FAM135B: variants seen among roughly 807,000 people sequenced by gnomAD.
FAM135B encodes the protein protein FAM135B.
In FAM135B, 43 loss-of-function variants were observed where a neutral mutation model predicts 127.7. The ratio of observed to expected loss-of-function variants is 0.34; its 90% CI spans 0.26 to 0.43. FAM135B has a LOEUF of 0.43. FAM135B is among the 20% of genes least tolerant of loss of function. The probability of loss-of-function intolerance (pLI) is 1.00; values close to 1 mark genes in which losing one functional copy is unlikely to be tolerated. For missense variants in FAM135B, 1,558 were observed against 1,725.6 expected (o/e 0.90, Z 1.72); for synonymous variants, 670 against 665.1 (o/e 1.01, Z -0.11).
intron 1 of FAM135B, among the ~76,000 whole-genome samples, chr8:138,494,478 T>G (rs1225810668): frequency 6.6e-6 from 1 of 152,038 alleles, no homozygotes; most frequent in African/African-American, 2.4e-5. Context: ...TGGGAGCACA[T>G]GAGAGAATAT....
chr8:138,463,670 G>A (rs1021135358), intron 1 of FAM135B, among the ~76,000 whole-genome samples: 1 of 152,182 alleles, frequency 6.6e-6, no homozygotes, highest in African/African-American at 2.4e-5. Flanking sequence ...CAATGAGAAA[G>A]AGGAAGTAGC....
intron 1 of FAM135B, among the ~76,000 whole-genome samples, chr8:138,424,093 A>G (rs1369063191): frequency 6.6e-6 from 1 of 152,130 alleles, no homozygotes; most frequent in Non-Finnish European, 1.5e-5. Context: ...TCAAACACAC[A>G]TGCTCTACAA....
At chr8:138,336,478 C>T (rs1282320046) in intron 2 of FAM135B, among the ~76,000 whole-genome samples, 1 of 152,094 alleles carries the variant, frequency 6.6e-6, no homozygotes, top group Non-Finnish European at 1.5e-5. Flanking sequence ...ACTATAAACA[C>T]CTCTACGCAA....
At chr8:138,174,874 C>T (rs1190429431) in intron 11 of FAM135B, among the ~76,000 whole-genome samples, 1 of 152,172 alleles carries the variant, frequency 6.6e-6, no homozygotes, top group Non-Finnish European at 1.5e-5. Context: ...TATCTATGTA[C>T]TTGTAGGCCT....
intron 12 of FAM135B, among the ~76,000 whole-genome samples, chr8:138,160,230 T>C (rs528039537): frequency 6.6e-6 from 1 of 152,204 alleles, no homozygotes; most frequent in East Asian, 1.9e-4. Context: ...ATAATAAAAA[T>C]GCGATCAAAT....
intron 3 of FAM135B, among the ~76,000 whole-genome samples, chr8:138,274,589 G>A (rs573041457): frequency 9.1e-4 from 139 of 152,196 alleles, no homozygotes; most frequent in African/African-American, 3.1e-3. Context: ...TTTATTAGGC[G>A]GGAATTTCCT....
intron 7 of FAM135B, among the ~76,000 whole-genome samples, chr8:138,206,120 A>T (rs368811579): frequency 5.3e-5 from 3 of 56,540 alleles, no homozygotes; most frequent in Non-Finnish European, 1.0e-4. Context: ...CTCCACCTAC[A>T]CACAGGCCAG....
chr8:138,370,537 G>T (rs1374094040), intron 1 of FAM135B, among the ~76,000 whole-genome samples: 2 of 151,848 alleles, frequency 1.3e-5, no homozygotes, highest in Non-Finnish European at 2.9e-5. Flanking sequence ...CTGCAAGCTC[G>T]CCTCCCCAGT....
chr8:138,481,823 T>C (rs1293825499), intron 1 of FAM135B, among the ~76,000 whole-genome samples: 1 of 152,224 alleles, frequency 6.6e-6, no homozygotes, highest in Non-Finnish European at 1.5e-5. Flanking sequence ...AATTGTCCTA[T>C]AAGACCAGCT....
rs1818206886 is a variant in FAM135B, at chr8:138,152,013, G to T, written c.2462C>A (p.Thr821Lys). 1.2e-6 allele frequency: 2 copies of T among 1,614,026 alleles called. No individual in the cohort carries two copies. The highest frequency in any genetic ancestry group is 1.7e-5 in the Admixed American group (1 of 60,016). Residue 821 changes from threonine to lysine, a missense_variant, in exon 13 of 20, where the codon ACA (threonine) becomes AAA (lysine). This residue lies in a region of FAM135B where 923 missense variants were observed against 865.3 expected (regional missense o/e 1.07). Transcript: ENST00000395297. The part of the protein sequence containing the change: ...SCSQLCGDSG[T>K]DAGADHPLVE... ...CAGGGGATGGTCTGCTCCAGCATCT[G>T]TTCCAGAGTCACCACAAAGTTGAGA...
chr8:138,289,213 C>T (rs1380411332), intron 3 of FAM135B, among the ~76,000 whole-genome samples: 1 of 152,156 alleles, frequency 6.6e-6, no homozygotes, highest in Admixed American at 6.5e-5. Context: ...TTGTCCAAGC[C>T]TCTGCCATCA....
chr8:138,143,846 G>A (rs532262047), intron 15 of FAM135B, among the ~76,000 whole-genome samples: 4 of 152,306 alleles, frequency 2.6e-5, no homozygotes, highest in South Asian at 4.1e-4. Flanking sequence ...AAGTGAATAG[G>A]ATGTCTCACA....
rs79457361 is a variant in FAM135B, at chr8:138,273,923, C to T, written c.158-8081G>A. Among the ~76,000 whole-genome samples the T allele has an allele frequency of 9.1e-3, 1,386 of 152,272 alleles. 17 individuals carry two copies. The highest frequency in any genetic ancestry group is 0.032 in the African/African-American group (1,332 of 41,550). On this transcript the variant is annotated intron_variant, in intron 3 of 19. Coordinates refer to ENST00000395297, the MANE Select transcript of FAM135B (RefSeq NM_015912.4). ...CTTTCAAGGCTCTCTACGCCACCTA[C>T]AAGCTGAGCACTCTCAAATGTATAA...
At chr8:138,443,442 G>A (rs1415929548) in intron 1 of FAM135B, among the ~76,000 whole-genome samples, 1 of 151,976 alleles carries the variant, frequency 6.6e-6, no homozygotes, top group Middle Eastern at 3.2e-3. Flanking sequence ...TCACTATGAA[G>A]CACAAAAGCA....
chr8:138,426,139 T>TATAG (rs1491476413), intron 1 of FAM135B, among the ~76,000 whole-genome samples: 3 of 142,796 alleles, frequency 2.1e-5, no homozygotes, highest in Non-Finnish European at 4.5e-5. Context: ...TGTGTGTGTG[T>TATAG]ATATATATAT....
At chr8:138,139,353 C>T (rs923012505) in intron 17 of FAM135B, among the ~76,000 whole-genome samples, 21 of 152,298 alleles carry the variant, frequency 1.4e-4, no homozygotes, top group African/African-American at 5.1e-4. Context: ...CCACACTCTT[C>T]AATCCAGTCA....
intron 13 of FAM135B, 46 bp downstream of exon 13, chr8:138,151,148 A>G: frequency 7.0e-7 from 1 of 1,423,704 alleles, no homozygotes; most frequent in Non-Finnish European, 9.4e-7. Flanking sequence ...ATGTGGAAAA[A>G]TCTAAAAGAC....
chr8:138,300,115 T>G (rs994813762), intron 3 of FAM135B, among the ~76,000 whole-genome samples: 5 of 152,004 alleles, frequency 3.3e-5, no homozygotes, highest in African/African-American at 1.2e-4. Context: ...TTACAGGCAC[T>G]ATTTTTTAAA....
chr8:138,191,094 A>T (rs1026272809), intron 9 of FAM135B, among the ~76,000 whole-genome samples: 2 of 152,126 alleles, frequency 1.3e-5, no homozygotes, highest in Non-Finnish European at 2.9e-5. Flanking sequence ...ATGGAGTTTG[A>T]CTCTCTTCAT....
Sources: allele counts gnomAD v4.1 joint callset (sites outside exome capture counted in the v4.1 genomes callset), GRCh38; gene constraint gnomAD v4.1.1; regional missense constraint gnomAD v4.1.1; transcripts MANE v1.5; gene names NCBI Gene and HGNC (gene_info 2026-07-23, HGNC 2026-07-21).